The following SDC4 variants were observed in gnomAD, a reference collection of about 807,000 sequenced individuals.
SDC4 encodes syndecan 4, also known as syndecan-4.
A neutral mutation model predicts 20.5 loss-of-function variants in SDC4; 17 were observed. That is an observed-to-expected ratio of 0.83 (90% confidence interval 0.57 to 1.25). The LOEUF is 1.25. SDC4 is among the 50% of genes most tolerant of loss of function. The pLI, the probability that SDC4 is intolerant of heterozygous loss-of-function variation, is 0.00. For missense variants in SDC4, 241 were observed against 252.3 expected, an observed-to-expected ratio of 0.96 and a Z score of 0.30; for synonymous variants, 107 against 105.3, an observed-to-expected ratio of 1.02 and a Z score of -0.10.
At chr20:45,331,679 T>C (rs1052399057) in intron 3 of SDC4, among the ~76,000 whole-genome samples, 5 of 152,246 alleles carry the variant, frequency 3.3e-5, no homozygotes, top group Admixed American at 2.0e-4. Flanking sequence ...CTAATTATAC[T>C]ACATTAGCAT....
In SDC4 at chr20:45,330,399, T is replaced by C. The variant is rs756234319; in HGVS notation, c.412A>G (p.Ser138Gly). Residue 138 changes from serine to glycine, a missense_variant, in exon 4 of 5, where the codon AGC (serine) becomes GGC (glycine). Transcript: ENST00000372733. ...ACCTCCGTTCTCTCAAAGATGTTGCTGCCCTGCACAGTGCTGGACATTGAC... is the reference window on the plus strand; with the variant it reads ...ACCTCCGTTCTCTCAAAGATGTTGCCGCCCTGCACAGTGCTGGACATTGAC... The part of the protein sequence containing the change: ...KVSMSSTVQG[S>G]NIFERTEVLA... 3.1e-6 allele frequency: 5 copies of C among 1,614,094 alleles called. No individual in the cohort carries two copies. Among genetic ancestry groups the C allele is most frequent in the Non-Finnish European group, 4.2e-6 (5 of 1,180,046 alleles).
chr20:45,328,026 ACTGAACCAGGAACAGGAGAAAACCGTAGG>A (rs1285559192), intron 4 of SDC4, among the ~76,000 whole-genome samples: 1 of 152,190 alleles, frequency 6.6e-6, no homozygotes, highest in African/African-American at 2.4e-5. Context: ...TCTAGCACTA[ACTGAACCAGGAACAGGAGAAAACCGTAGG>A]CTATGGAAAT....
At position 45,330,518 on chromosome 20, in the gene SDC4, T is replaced by G. The variant is rs747367171; in HGVS notation, c.293A>C (p.Gln98Pro). 2 of 1,614,180 alleles carry G rather than the reference T, an allele frequency of 1.2e-6. No homozygotes were observed. The highest frequency in any genetic ancestry group is 1.7e-6 in the Non-Finnish European group (2 of 1,180,020). ...HIPERAGSGS[Q>P]VPTEPKKLEE... ...TAGTTTCTTGGGTTCGGTGGGGACT[T>G]GGCTCCCAGACCCTGCCCTCTCAGG... The change falls in exon 4 of 5, where the codon CAA becomes CCA. Residue 98 changes from glutamine (Q) to proline (P), a missense_variant. By Grantham distance (76) the Gln-to-Pro change is moderately conservative. Coordinates refer to ENST00000372733, the MANE Select transcript of SDC4 (RefSeq NM_002999.4).
rs1401756410 is a variant in SDC4, at chr20:45,346,189, C to T, written c.60+2136G>A. ...CTCTACCTGCAAAAAGAAAAGGACACGCTGGATCATCTCTTCAGTCCGAGC... is the reference window on the plus strand; with the variant it reads ...CTCTACCTGCAAAAAGAAAAGGACATGCTGGATCATCTCTTCAGTCCGAGC... On this transcript the variant is annotated intron_variant, in intron 1 of 4. Transcript: ENST00000372733. Among the ~76,000 whole-genome samples, 4 of 152,176 alleles carry T rather than the reference C, an allele frequency of 2.6e-5. No homozygotes were observed. In the East Asian group the frequency reaches 7.7e-4, roughly 29 times the overall value.
rs745915114 is a variant in SDC4, at chr20:45,335,868, A to G, written c.113T>C (p.Phe38Ser). The G allele has an allele frequency of 1.3e-5, 21 of 1,613,920 alleles. No individual in the cohort carries two copies. In the South Asian group the frequency reaches 2.2e-4, roughly 17 times the overall value. Reference protein sequence around the residue: ...DPQDLLEGRYFSGALPDDEDV... With the variant: ...DPQDLLEGRYSSGALPDDEDV... ...CTCATCGTCTGGTAGGGCTCCGGAG[A>G]AGTATCGGCCTTCTAGGAGGTCCTG... The change falls in exon 2 of 5, where the codon TTC becomes TCC. Residue 38 changes from phenylalanine (F) to serine (S), a missense_variant. Physicochemically the swap from Phe to Ser is radical, Grantham distance 155 (BLOSUM62 -2). Coordinates refer to ENST00000372733, the MANE Select transcript of SDC4 (RefSeq NM_002999.4).
rs1202093443 is a variant in SDC4 at position 45,325,999 on chromosome 20, A to C, written c.*1265T>G. Reference sequence around the variant, plus strand: ...CCAGCCCCATCAGAAGGCACCAGGAACAGGGCAAGAGAAAAAGGCAAAAAC... The same window carrying C: ...CCAGCCCCATCAGAAGGCACCAGGACCAGGGCAAGAGAAAAAGGCAAAAAC... On this transcript the variant is annotated 3_prime_UTR_variant, in exon 5 of 5. Coordinates refer to ENST00000372733, the MANE Select transcript of SDC4 (RefSeq NM_002999.4). 6.6e-6 allele frequency: 1 copy of C among 152,616 alleles called. No individual in the cohort carries two copies. Among genetic ancestry groups the C allele is most frequent in the Non-Finnish European group, 1.5e-5 (1 of 68,034 alleles). 9.5% of individuals were successfully genotyped at this position (152,616 alleles called of 1,614,324 possible).
At chr20:45,344,409 G>T (rs996433336) in intron 1 of SDC4, among the ~76,000 whole-genome samples, 1 of 152,158 alleles carries the variant, frequency 6.6e-6, no homozygotes, top group African/African-American at 2.4e-5. Context: ...AAGGAAATGG[G>T]TGACTCAGGC....
At chr20:45,334,826 T>C (rs2145711121) in intron 2 of SDC4, among the ~76,000 whole-genome samples, 1 of 152,286 alleles carries the variant, frequency 6.6e-6, no homozygotes, top group South Asian at 2.1e-4. Context: ...ACACACGTAC[T>C]GAGTGCTTGG....
intron 1 of SDC4, among the ~76,000 whole-genome samples, chr20:45,346,791 G>A (rs1001289978): frequency 5.9e-5 from 9 of 152,156 alleles, no homozygotes; most frequent in Non-Finnish European, 1.0e-4. Context: ...TTCCACCTCA[G>A]AATTCCTTTG....
Position 45,327,185 on chromosome 20 carries a change from C to T in SDC4, c.*79G>A, listed in dbSNP as rs2145705621. 1 of 1,510,428 alleles carries T rather than the reference C, an allele frequency of 6.6e-7. No individual in the cohort carries two copies. Among genetic ancestry groups the T allele is most frequent in the African/African-American group, 1.4e-5 (1 of 73,012 alleles). 93.6% of individuals were successfully genotyped at this position (1,510,428 alleles called of 1,614,324 possible). A position where few individuals can be genotyped will look rare whatever the true frequency, so the allele number is the denominator to read the frequency against. Reference sequence around the variant, plus strand: ...ACAAGTCAGTATTAGGTTGACCTCACCCTACCCTAATGTCCACCCTTCAAA... The same window carrying T: ...ACAAGTCAGTATTAGGTTGACCTCATCCTACCCTAATGTCCACCCTTCAAA... On this transcript the variant is annotated 3_prime_UTR_variant, in exon 5 of 5. Transcript: ENST00000372733.
chr20:45,346,335 GA>G (rs1449469194), intron 1 of SDC4, among the ~76,000 whole-genome samples: 3 of 152,212 alleles, frequency 2.0e-5, no homozygotes, highest in African/African-American at 4.8e-5. Flanking sequence ...CCAGGAAGGG[GA>G]GAGCTGAGGT....
chr20:45,341,649 G>C (rs1032076619), intron 1 of SDC4, among the ~76,000 whole-genome samples: 31 of 152,162 alleles, frequency 2.0e-4, no homozygotes, highest in African/African-American at 6.8e-4. Context: ...GTCTGGGGGT[G>C]GGGGTGGAGT....
intron 1 of SDC4, among the ~76,000 whole-genome samples, chr20:45,336,309 A>G (rs1987866732): frequency 6.6e-6 from 1 of 152,142 alleles, no homozygotes; most frequent in African/African-American, 2.4e-5. Flanking sequence ...GCTACTCGGG[A>G]GGCTGAGACA....
intron 1 of SDC4, among the ~76,000 whole-genome samples, chr20:45,337,504 G>C (rs1268460285): frequency 6.6e-6 from 1 of 152,206 alleles, no homozygotes; most frequent in Non-Finnish European, 1.5e-5. Flanking sequence ...AGGTCACACA[G>C]AGCGTTCGCT....
intron 1 of SDC4, chr20:45,345,590 G>C (rs1176408147): frequency 1.3e-5 from 2 of 152,246 alleles, no homozygotes; most frequent in Admixed American, 6.5e-5. Context: ...ATCAAGAAGA[G>C]GACGCTGTAG....
intron 1 of SDC4, among the ~76,000 whole-genome samples, chr20:45,344,826 T>C (rs910632974): frequency 2.6e-5 from 4 of 152,122 alleles, no homozygotes; most frequent in Non-Finnish European, 5.9e-5. Context: ...TATTTTAGAG[T>C]TGGGGACACT....
chr20:45,335,131 T>C (rs1987841447), intron 2 of SDC4, among the ~76,000 whole-genome samples: 1 of 143,154 alleles, frequency 7.0e-6, no homozygotes, highest in Non-Finnish European at 1.5e-5. Flanking sequence ...ACTACATCTC[T>C]GCCCACTCAT....
intron 1 of SDC4, among the ~76,000 whole-genome samples, 158 bp from the exon 2 acceptor site, chr20:45,336,078 C>T (rs531604820): frequency 6.6e-6 from 1 of 152,152 alleles, no homozygotes. Context: ...TAACTCACCG[C>T]GTGTCCTTAG....
At chr20:45,340,515 TG>T (rs987965430) in intron 1 of SDC4, among the ~76,000 whole-genome samples, 17 of 152,362 alleles carry the variant, frequency 1.1e-4, no homozygotes, top group Non-Finnish European at 1.8e-4. Flanking sequence ...ACACACTGGC[TG>T]GGCCAGGGCT....
Sources: allele counts gnomAD v4.1 joint callset (sites outside exome capture counted in the v4.1 genomes callset), GRCh38; gene constraint gnomAD v4.1.1; transcripts MANE v1.5; gene names NCBI Gene and HGNC (gene_info 2026-07-23, HGNC 2026-07-21).